Variants in SGSM2 observed in about 807,000 individuals in gnomAD.
The protein encoded by SGSM2 is RUN and TBC1 domain containing 1.
SGSM2 carries 89 observed loss-of-function variants against 126.6 expected under a neutral mutation model. That is an observed-to-expected ratio of 0.70 (90% CI 0.59 to 0.84). The LOEUF is 0.84. Among genes scored for constraint, SGSM2 ranks in the 40% least tolerant of loss-of-function variants. The pLI, the probability that SGSM2 is intolerant of heterozygous loss-of-function variation, is 0.00. For missense variants in SGSM2, 1,404 were observed against 1,416.6 expected, an observed-to-expected ratio of 0.99 and a Z score of 0.14; for synonymous variants, 614 against 574.3, an observed-to-expected ratio of 1.07 and a Z score of -0.99.
At position 2,368,996 on chromosome 17, in the gene SGSM2, T is replaced by C. The variant is rs1276231429; in HGVS notation, c.1423+1591T>C. On this transcript the variant is annotated intron_variant, in intron 12 of 23. Transcript: ENST00000268989. ...GGATCAGAGAAACTTCCAGACCCAC[T>C]TCCAGGGGTCCAGAGGCCTCAGGGC... is the stretch of plus-strand genomic sequence containing the variant. Among the ~76,000 whole-genome samples, 4 of 152,204 alleles carry C rather than the reference T, an allele frequency of 2.6e-5. No individual in the cohort carries two copies. The East Asian group carries it at 7.7e-4, about 29-fold the overall frequency.
chr17:2,364,421 C>A, intron 8 of SGSM2, 175 bp from the exon 9 acceptor site: 1 of 818,714 alleles, frequency 1.2e-6, no homozygotes, highest in Admixed American at 2.2e-5. Context: ...GACAGCTGTC[C>A]ATGTGCCGAG....
At position 2,367,406 on chromosome 17, in the gene SGSM2, G is replaced by A. The variant is rs1338960100; in HGVS notation, c.1423+1G>A. The A allele has an allele frequency of 6.2e-7, 1 of 1,612,390 alleles. No individual in the cohort carries two copies. The highest frequency in any genetic ancestry group is 8.5e-7 in the Non-Finnish European group (1 of 1,179,152). ...CTCACAGCTCCCAATCCGATGAAAG[G>A]TTCTTATCCCTCCCTCTCCCTGACC... On this transcript the variant is annotated splice_donor_variant, in intron 12 of 23. Transcript: ENST00000268989. LOFTEE classifies it high-confidence loss of function. This position sits in a 1 kb window ranked among gnomAD's most constrained non-coding sequence, Gnocchi z 4.0.
Position 2,337,841 on chromosome 17 carries a change from G to T in SGSM2, c.57+96G>T, listed in dbSNP as rs1206114784. 1 of 881,122 alleles carries T rather than the reference G, an allele frequency of 1.1e-6. No homozygotes were observed. The highest frequency in any genetic ancestry group is 1.6e-6 in the Non-Finnish European group (1 of 644,984). The allele number at this position is 881,122 out of a possible 1,614,324, so 54.6% of individuals were successfully genotyped here. On this transcript the variant is annotated intron_variant, in intron 1 of 23. Coordinates refer to ENST00000268989, the MANE Select transcript of SGSM2 (RefSeq NM_014853.3). The surrounding 1 kb of genome is among the most constrained non-coding windows in gnomAD (Gnocchi z 5.1). ...CGCCCACCCCCCGGCGCGGGCACCC[G>T]GGCCGAACCTGGGCCGGGCGGGGCG...
In SGSM2 at chr17:2,362,297, C is replaced by T. The variant is rs781581153; in HGVS notation, c.458+27C>T. 31 of 1,595,878 alleles carry T rather than the reference C, an allele frequency of 1.9e-5. 1 individual carries two copies. In the South Asian group the frequency reaches 3.5e-4, roughly 18 times the overall value. ...TGACCGCCCCGTTCCCCAAAAACTG[C>T]AGGTGACCACCCCGTTCCCCCCAAA... On this transcript the variant is annotated intron_variant, in intron 4 of 23. Coordinates refer to ENST00000268989, the MANE Select transcript of SGSM2 (RefSeq NM_014853.3). The surrounding 1 kb of genome is among the most constrained non-coding windows in gnomAD (Gnocchi z 4.9).
rs1304464318 is a variant in SGSM2, at chr17:2,376,148, G to A, written c.2496G>A (p.Leu832=). ...VCAAAYTIEL[L]DTVALNLHRI... The stretch of plus-strand genomic sequence containing the variant: ...CTCCACTCTTCCAGATAGAATTACT[G>A]GACACTGTGGCCTTAAACCTGCACC... The change falls in exon 19 of 24, where the codon CTG becomes CTA. Residue 832 remains leucine, a synonymous_variant. Transcript: ENST00000268989. The A allele has an allele frequency of 3.7e-6, 6 of 1,614,106 alleles. No individual in the cohort carries two copies. The highest frequency in any genetic ancestry group is 2.2e-5 in the South Asian group (2 of 91,088).
At position 2,363,360 on chromosome 17, in the gene SGSM2, G is replaced by A. The variant is rs1011948179; in HGVS notation, c.673-105G>A. 55 of 1,541,768 alleles carry A rather than the reference G, an allele frequency of 3.6e-5. No individual in the cohort carries two copies. The highest frequency in any genetic ancestry group is 2.2e-4 in the Middle Eastern group (1 of 4,560). On this transcript the variant is annotated intron_variant, in intron 6 of 23. Coordinates refer to ENST00000268989, the MANE Select transcript of SGSM2 (RefSeq NM_014853.3). The surrounding 1 kb of genome is among the most constrained non-coding windows in gnomAD (Gnocchi z 4.2). ...GCTGGGAGTAAACCGGGGCAGGAAGGACCCCTGGGGTCAGCTGGAGAGGGT... is the reference window on the plus strand; with the variant it reads ...GCTGGGAGTAAACCGGGGCAGGAAGAACCCCTGGGGTCAGCTGGAGAGGGT...
intron 1 of SGSM2, among the ~76,000 whole-genome samples, chr17:2,342,233 T>G (rs561156454): frequency 1.7e-4 from 24 of 137,426 alleles, no homozygotes; most frequent in Admixed American, 1.5e-3. Context: ...CTGGCCAACA[T>G]GGAGAAACCC....
intron 2 of SGSM2, among the ~76,000 whole-genome samples, chr17:2,348,588 CAG>C (rs1465751845): frequency 6.6e-6 from 1 of 152,106 alleles, no homozygotes; most frequent in Non-Finnish European, 1.5e-5. Context: ...TGGGGTCACA[CAG>C]ACCTGGGTTC....
intron 12 of SGSM2, among the ~76,000 whole-genome samples, chr17:2,370,200 CCT>C (rs1214633195): frequency 2.6e-5 from 4 of 152,370 alleles, no homozygotes; most frequent in South Asian, 2.1e-4. Context: ...GCTCTCCATC[CCT>C]GTTCTTCCGA....
rs200961509 is a variant in SGSM2, at chr17:2,349,792, TG to T, written c.133+6173del. 9.1e-4 allele frequency among the ~76,000 whole-genome samples: 137 copies of T among 150,454 alleles called. 1 individual carries two copies. Among genetic ancestry groups the T allele is most frequent in the African/African-American group, 2.8e-3 (113 of 40,988 alleles). On this transcript the variant is annotated intron_variant, in intron 2 of 23. Transcript: ENST00000268989. Reference sequence around the variant, plus strand: ...TGGAATTTTCCCTAGTGAAATGTTTTGTTTTTTTTTTTTGAGATGGAGTCTC... The same window carrying T: ...TGGAATTTTCCCTAGTGAAATGTTTTTTTTTTTTTTTTGAGATGGAGTCTC...
chr17:2,362,149 G>C lies in SGSM2; in HGVS notation c.337G>C (p.Gly113Arg), dbSNP rs1347728140. 5 of 1,613,692 alleles carry C rather than the reference G, an allele frequency of 3.1e-6. No individual in the cohort carries two copies. Among genetic ancestry groups the C allele is most frequent in the African/African-American group, 2.7e-5 (2 of 74,914 alleles). ...CAGCCAGGAGGCCCTGCGGAGACAG[G>C]GCTCAGCCAGCGGGAAGGCCCCGGC... is the stretch of plus-strand genomic sequence containing the variant. ...GVSQEALRRQ[G>R]SASGKAPALS... Residue 113 changes from glycine to arginine, a missense_variant, in exon 4 of 24, where the codon GGC (glycine) becomes CGC (arginine). By Grantham distance (125) the Gly-to-Arg change is moderately radical. Coordinates refer to ENST00000268989, the MANE Select transcript of SGSM2 (RefSeq NM_014853.3). This position sits in a 1 kb window ranked among gnomAD's most constrained non-coding sequence, Gnocchi z 4.9.
chr17:2,350,479 G>A (rs532758226), intron 2 of SGSM2, among the ~76,000 whole-genome samples: 22 of 151,718 alleles, frequency 1.5e-4, no homozygotes, highest in African/African-American at 2.4e-4. Context: ...GTGTGGTGGC[G>A]CACGTCTATA....
At chr17:2,342,260 A>C (rs1479129690) in intron 1 of SGSM2, among the ~76,000 whole-genome samples, 1 of 148,668 alleles carries the variant, frequency 6.7e-6, no homozygotes, top group Non-Finnish European at 1.5e-5. Context: ...TACTAAAAAT[A>C]CAAAAAAAAA....
chr17:2,379,353 C>A, intron 23 of SGSM2, 79 bp from the exon 24 acceptor site: 1 of 1,567,846 alleles, frequency 6.4e-7, no homozygotes, highest in Non-Finnish European at 8.7e-7. Flanking sequence ...CAGATGGAAA[C>A]AGAGCAGGGT....
rs2064148797 is a variant in SGSM2 at position 2,337,850 on chromosome 17, C to G, written c.57+105C>G. On this transcript the variant is annotated intron_variant, in intron 1 of 23. Transcript: ENST00000268989. The surrounding 1 kb of genome is among the most constrained non-coding windows in gnomAD (Gnocchi z 5.1). ...CCCGGCGCGGGCACCCGGGCCGAAC[C>G]TGGGCCGGGCGGGGCGGGTCCTGGA... 2.8e-6 allele frequency: 2 copies of G among 720,944 alleles called. No homozygotes were observed. The highest frequency in any genetic ancestry group is 1.9e-5 in the African/African-American group (1 of 52,246). 44.7% of individuals were successfully genotyped at this position (720,944 alleles called of 1,614,324 possible). A position where few individuals can be genotyped will look rare whatever the true frequency, so the allele number is the denominator to read the frequency against.
chr17:2,380,282 A>G lies in SGSM2; in HGVS notation c.*762A>G. 2.0e-6 allele frequency: 3 copies of G among 1,535,944 alleles called. No individual in the cohort carries two copies. The highest frequency in any genetic ancestry group is 2.6e-6 in the Non-Finnish European group (3 of 1,146,894). ...TGCATTAGGTACTTCCCTGAAAACC[A>G]CGTGTAAGAAGTGATGCTTTTGCCA... On this transcript the variant is annotated 3_prime_UTR_variant, in exon 24 of 24. Coordinates refer to ENST00000268989, the MANE Select transcript of SGSM2 (RefSeq NM_014853.3).
At chr17:2,365,471 C>T (rs142680059) in intron 11 of SGSM2, 130 bp downstream of exon 11, 19 of 1,087,288 alleles carry the variant, frequency 1.7e-5, no homozygotes, top group Middle Eastern at 3.1e-4. Context: ...AGGCTCATCG[C>T]CTAGCCTCTC....
At position 2,345,237 on chromosome 17, in the gene SGSM2, G is replaced by A. The variant is rs932715593; in HGVS notation, c.133+1617G>A. On this transcript the variant is annotated intron_variant, in intron 2 of 23. Coordinates refer to ENST00000268989, the MANE Select transcript of SGSM2 (RefSeq NM_014853.3). ...CAGCACTTTGGGAGGTGAGGCAGGT[G>A]GATCACCTGAGGTCAGGAGTTCGAG... 9.9e-5 allele frequency among the ~76,000 whole-genome samples: 15 copies of A among 152,040 alleles called. 1 individual carries two copies. Among genetic ancestry groups the A allele is most frequent in the Non-Finnish European group, 4.4e-5 (3 of 68,002 alleles).
rs2066333074 is a variant in SGSM2, at chr17:2,379,633, A to G, written c.*113A>G. The stretch of plus-strand genomic sequence containing the variant: ...CCAACCGACCCCACCTCTGTTCCTA[A>G]CAAAGCGGTTGTGAGCCTGGATCCG... On this transcript the variant is annotated 3_prime_UTR_variant, in exon 24 of 24. Coordinates refer to ENST00000268989, the MANE Select transcript of SGSM2 (RefSeq NM_014853.3). 1 of 1,491,148 alleles carries G rather than the reference A, an allele frequency of 6.7e-7. No homozygotes were observed. The highest frequency in any genetic ancestry group is 9.0e-7 in the Non-Finnish European group (1 of 1,113,862). The allele number at this position is 1,491,148 out of a possible 1,614,324, so 92.4% of individuals were successfully genotyped here.
Sources: gnomAD v4.1 joint callset for allele counts (sites outside exome capture counted in the v4.1 genomes callset) on GRCh38, gnomAD v4.1.1 for gene constraint, Gnocchi (gnomAD v3.1) non-coding constraint, MANE v1.5 for transcripts, NCBI Gene and HGNC (gene_info 2026-07-23, HGNC 2026-07-21) for gene names.